METAP1D: variants seen among roughly 807,000 people sequenced by gnomAD.
METAP1D encodes methionine aminopeptidase 1D, mitochondrial.
A neutral mutation model predicts 40.5 loss-of-function variants in METAP1D; 31 were observed. The observed-to-expected ratio is 0.77, with a 90% CI of 0.58 to 1.03. The LOEUF is 1.03. Ranked by LOEUF, METAP1D falls within the 50% of genes least tolerant of loss-of-function variation. METAP1D has a pLI of 0.00. For synonymous variants in METAP1D, 151 were observed against 146.4 expected (o/e 1.03, Z -0.22); for missense variants, 411 against 420.7 (o/e 0.98, Z 0.20).
chr2:172,029,024 T>C (rs756450871), intron 1 of METAP1D, among the ~76,000 whole-genome samples: 5 of 152,214 alleles, frequency 3.3e-5, no homozygotes, highest in Non-Finnish European at 5.9e-5. Context: ...TAGACATGCA[T>C]GGTCAAACCA....
intron 1 of METAP1D, among the ~76,000 whole-genome samples, chr2:172,055,467 A>G (rs189210158): frequency 6.6e-6 from 1 of 151,776 alleles, no homozygotes; most frequent in Non-Finnish European, 1.5e-5. Flanking sequence ...CTCACTCTGC[A>G]TTTAGAAAAT....
chr2:172,073,856 C>G (rs1045655578), intron 6 of METAP1D, among the ~76,000 whole-genome samples: 2 of 152,208 alleles, frequency 1.3e-5, no homozygotes, highest in Non-Finnish European at 2.9e-5. Flanking sequence ...TTTTGCGTAG[C>G]CTCTCTCTAC....
intron 1 of METAP1D, among the ~76,000 whole-genome samples, chr2:172,043,567 A>T (rs1375242351): frequency 4.4e-5 from 6 of 135,094 alleles, no homozygotes; most frequent in Admixed American, 1.5e-4. Flanking sequence ...TTTTTTAAAG[A>T]AAAGTACGTT....
intron 1 of METAP1D, among the ~76,000 whole-genome samples, chr2:172,013,846 A>G (rs1688787363): frequency 6.9e-6 from 1 of 144,294 alleles, no homozygotes; most frequent in Non-Finnish European, 1.5e-5. Flanking sequence ...TTTGAGACAG[A>G]GTCTTGCTCT....
At chr2:172,065,288 G>A (rs1352122561) in intron 3 of METAP1D, among the ~76,000 whole-genome samples, 5 of 152,158 alleles carry the variant, frequency 3.3e-5, no homozygotes, top group Non-Finnish European at 5.9e-5. Flanking sequence ...AGGAATTGCC[G>A]AAGAACATAA....
chr2:172,040,241 C>T (rs1689486977), intron 1 of METAP1D, among the ~76,000 whole-genome samples: 1 of 152,198 alleles, frequency 6.6e-6, no homozygotes, highest in African/African-American at 2.4e-5. Context: ...CAGGCGTGAG[C>T]CACTGCGCCC....
At chr2:172,050,852 G>T (rs540999398) in intron 1 of METAP1D, among the ~76,000 whole-genome samples, 5 of 152,168 alleles carry the variant, frequency 3.3e-5, no homozygotes, top group Admixed American at 1.3e-4. Flanking sequence ...TTTTTCACAG[G>T]GCTCAACTAG....
intron 6 of METAP1D, among the ~76,000 whole-genome samples, chr2:172,071,487 T>TA (rs1254889834): frequency 6.6e-6 from 1 of 152,216 alleles, no homozygotes; most frequent in Non-Finnish European, 1.5e-5. Flanking sequence ...ATTTCTGTGA[T>TA]ATGAAGATAA....
Position 172,036,390 on chromosome 2 carries a change from C to CT in METAP1D, c.41-25097dup, listed in dbSNP as rs1395368583. Among the ~76,000 whole-genome samples, 739 of 139,578 alleles carry CT rather than the reference C, an allele frequency of 5.3e-3. 4 individuals are homozygous for CT. The highest frequency in any genetic ancestry group is 0.01 in the African/African-American group (383 of 38,176). The allele number at this position is 139,578 out of a possible 152,430, so 91.6% of individuals were successfully genotyped here. The stretch of plus-strand genomic sequence containing the variant: ...ACATCTGGGTTGTTTCCACCTTTTT[C>CT]TTTTTTTTTTTGTCGCCCAGGCTGA... On this transcript the variant is annotated intron_variant, in intron 1 of 9. Coordinates refer to ENST00000315796, the MANE Select transcript of METAP1D (RefSeq NM_199227.3).
chr2:172,045,813 G>GTATATATA (rs1343452255), intron 1 of METAP1D, among the ~76,000 whole-genome samples: 8 of 39,384 alleles, frequency 2.0e-4, no homozygotes, highest in Non-Finnish European at 3.0e-4. Context: ...GTGTGTGTGT[G>GTATATATA]TGTGTGTATA....
chr2:172,066,350 T>C (rs1170993716), intron 5 of METAP1D, 44 bp downstream of exon 5: 1 of 1,496,906 alleles, frequency 6.7e-7, no homozygotes, highest in Non-Finnish European at 9.3e-7. Context: ...AACTTCAGAA[T>C]TGCTGGTAGC....
chr2:172,080,260 C>G, intron 9 of METAP1D, 54 bp downstream of exon 9: 1 of 1,613,754 alleles, frequency 6.2e-7, no homozygotes, highest in Admixed American at 1.7e-5. Context: ...GAAGATTGGT[C>G]CGACGGCGCG....
In METAP1D at chr2:172,080,702, A is replaced by G. The variant is rs1690685011; in HGVS notation, c.*296A>G. On this transcript the variant is annotated 3_prime_UTR_variant, in exon 10 of 10. Coordinates refer to ENST00000315796, the MANE Select transcript of METAP1D (RefSeq NM_199227.3). ...AAACCCCCTTGTTGGAAGAGATTCC[A>G]AGAGAAGCACGGTTTTCTCTTTCCC... 3.7e-6 allele frequency: 2 copies of G among 541,326 alleles called. No individual in the cohort carries two copies. Among genetic ancestry groups the G allele is most frequent in the Non-Finnish European group, 6.6e-6 (2 of 302,672 alleles). The allele number at this position is 541,326 out of a possible 1,614,324, so 33.5% of individuals were successfully genotyped here.
chr2:172,027,410 C>CACTGACAT (rs1405985988), intron 1 of METAP1D, among the ~76,000 whole-genome samples: 1 of 152,194 alleles, frequency 6.6e-6, no homozygotes, highest in Non-Finnish European at 1.5e-5. Flanking sequence ...ATATTCAGTA[C>CACTGACAT]ACTGACATGC....
At chr2:172,010,726 T>C (rs1200162105) in intron 1 of METAP1D, among the ~76,000 whole-genome samples, 1 of 150,146 alleles carries the variant, frequency 6.7e-6, no homozygotes, top group Non-Finnish European at 1.5e-5. Context: ...ACTCCTGGCC[T>C]CAAGTGATTC....
Position 172,052,138 on chromosome 2 carries a change from C to T in METAP1D, c.41-9360C>T, listed in dbSNP as rs1464617496. Among the ~76,000 whole-genome samples the T allele has an allele frequency of 2.0e-5, 3 of 152,114 alleles. 1 individual carries two copies. The highest frequency in any genetic ancestry group is 4.4e-5 in the Non-Finnish European group (3 of 68,024). On this transcript the variant is annotated intron_variant, in intron 1 of 9. Coordinates refer to ENST00000315796, the MANE Select transcript of METAP1D (RefSeq NM_199227.3). ...GCATTAAAGAAAATGAGCTGTTTTC[C>T]AACACCTGCATACCAACTGGGCCTG...
intron 1 of METAP1D, among the ~76,000 whole-genome samples, chr2:172,039,625 GT>G (rs1172094968): frequency 6.6e-6 from 1 of 150,708 alleles, no homozygotes; most frequent in Non-Finnish European, 1.5e-5. Context: ...TTGATGGTGA[GT>G]TTTTTGTGGG....
rs1690672414 is a variant in METAP1D, at chr2:172,080,341, G to C, written c.943G>C (p.Glu315Gln). The change falls in exon 10 of 10, where the codon GAG becomes CAG. Residue 315 changes from glutamate to glutamine, a missense_variant. Coordinates refer to ENST00000315796, the MANE Select transcript of METAP1D (RefSeq NM_199227.3). ...SLDNQRSAQF[E>Q]HTVLITSRGA... ...GCTGTGTTACAGGTCGGCGCAGTTC[G>C]AGCACACGGTTCTGATCACGTCGAG... is the stretch of plus-strand genomic sequence containing the variant. 1.2e-6 allele frequency: 2 copies of C among 1,613,936 alleles called. No homozygotes were observed. Among genetic ancestry groups the C allele is most frequent in the South Asian group, 2.2e-5 (2 of 91,082 alleles).
At chr2:172,066,586 G>T (rs1160479952) in intron 5 of METAP1D, among the ~76,000 whole-genome samples, 1 of 152,216 alleles carries the variant, frequency 6.6e-6, no homozygotes, top group Non-Finnish European at 1.5e-5. Context: ...TTTTGAGAAG[G>T]TGTAATTGTT....
Sources: allele counts gnomAD v4.1 joint callset (sites outside exome capture counted in the v4.1 genomes callset), GRCh38; gene constraint gnomAD v4.1.1; transcripts MANE v1.5; gene names NCBI Gene and HGNC (gene_info 2026-07-23, HGNC 2026-07-21).